The following SGSH variants were observed in gnomAD, a reference collection of about 807,000 sequenced individuals.
SGSH encodes N-sulfoglucosamine sulfohydrolase, also known as heparan sulfate sulfatase.
Under a neutral mutation model 51.0 loss-of-function variants are expected in SGSH, and 48 were observed. The ratio of observed to expected loss-of-function variants is 0.94; its 90% CI spans 0.75 to 1.20. The LOEUF is 1.20. SGSH is among the 50% of genes most tolerant of loss of function. The pLI is 0.00. For synonymous variants in SGSH, 321 were observed against 313.4 expected (o/e 1.02, Z -0.26); for missense variants, 662 against 717.8 (o/e 0.92, Z 0.89).
intron 7 of SGSH, 85 bp from the exon 8 acceptor site, chr17:80,211,096 G>T: frequency 1.9e-6 from 3 of 1,561,876 alleles, no homozygotes; most frequent in Non-Finnish European, 2.6e-6. Context: ...CGCCACTCTG[G>T]GCGGCTCCCT....
chr17:80,206,780 AT>A (rs552804815), downstream of SGSH: 201 of 411,306 alleles, frequency 4.9e-4, 1 homozygote, highest in East Asian at 7.5e-3. Flanking sequence ...AAAATAAAAA[AT>A]AAAAATAAAA....
intron 1 of SGSH, among the ~76,000 whole-genome samples, chr17:80,217,464 C>T (rs1285894179): frequency 1.3e-5 from 2 of 152,154 alleles, no homozygotes; most frequent in Admixed American, 6.5e-5. Flanking sequence ...AGCAGGCAGG[C>T]ATGTATCCAG....
In SGSH at chr17:80,210,466, G is replaced by A. The variant is rs1334987595; in HGVS notation, c.1495C>T (p.His499Tyr). The A allele has an allele frequency of 6.3e-7, 1 of 1,596,646 alleles. No individual in the cohort carries two copies. The highest frequency in any genetic ancestry group is 2.2e-5 in the East Asian group (1 of 44,708). ...EKLSPQCQPL[H>Y]NEL The stretch of plus-strand genomic sequence containing the variant: ...TCCTGGGATGGTCACAGCTCATTGT[G>A]GAGGGGCTGGCACTGGGGAGAGAGC... The change falls in exon 8 of 8, where the codon CAC becomes TAC. Residue 499 changes from histidine (H) to tyrosine (Y), a missense_variant. Transcript: ENST00000326317.
Position 80,212,145 on chromosome 17 carries a change from T to G in SGSH, c.875A>C (p.Glu292Ala). Residue 292 changes from glutamate (E) to alanine (A), a missense_variant, in exon 7 of 8, where the codon GAA (glutamate) becomes GCA (alanine). Transcript: ENST00000326317. This position sits in a 1 kb window ranked among gnomAD's most constrained non-coding sequence, Gnocchi z 5.9. ...CTCCGGGGATGACACCAGTAAGGGT[T>G]CAGCAGTGCCCGGCCAGTACAGGTT... ...RTNLYWPGTA[E>A]PLLVSSPEHP... The G allele has an allele frequency of 6.2e-7, 1 of 1,613,550 alleles. No homozygotes were observed.
chr17:80,205,716 G>C (rs1403717001), downstream of SGSH: 7 of 1,467,174 alleles, frequency 4.8e-6, no homozygotes, highest in Non-Finnish European at 6.3e-6. Context: ...ATGCAGAGGA[G>C]GGGGATGAGA....
chr17:80,204,814 C>T (rs2041192334), downstream of SGSH: 3 of 508,332 alleles, frequency 5.9e-6, no homozygotes, highest in Admixed American at 3.6e-5. Context: ...AAAGCAGTCC[C>T]TGGAGAGCCA....
rs151243903 is a variant in SGSH, at chr17:80,210,997, T to C, written c.964A>G (p.Ile322Val). The C allele has an allele frequency of 1.5e-5, 24 of 1,598,460 alleles. No individual in the cohort carries two copies. The African/African-American group carries it at 2.7e-4, about 18-fold the overall frequency. ...TACGGGATCGAGAACCAATCCAAGATGGTGGGCGTGAGGTCTGGAAGGGAC... is the reference window on the plus strand; with the variant it reads ...TACGGGATCGAGAACCAATCCAAGACGGTGGGCGTGAGGTCTGGAAGGGAC... The part of the protein sequence containing the change: ...YVSLLDLTPT[I>V]LDWFSIPYPS... Residue 322 changes from isoleucine (I) to valine (V), a missense_variant, in exon 8 of 8, where the codon ATC becomes GTC. Physicochemically the swap from Ile to Val is conservative, Grantham distance 29. Coordinates refer to ENST00000326317, the MANE Select transcript of SGSH (RefSeq NM_000199.5).
At chr17:80,218,666 G>A (rs1251172245) in intron 1 of SGSH, among the ~76,000 whole-genome samples, 1 of 152,234 alleles carries the variant, frequency 6.6e-6, no homozygotes, top group Non-Finnish European at 1.5e-5. Context: ...CGCAGGCCAG[G>A]AAGAAAGCTG....
Position 80,210,263 on chromosome 17 carries a change from C to T in SGSH, c.*189G>A. The T allele has an allele frequency of 2.1e-6, 3 of 1,429,542 alleles. No homozygotes were observed. Among genetic ancestry groups the T allele is most frequent in the Admixed American group, 2.9e-5 (1 of 35,016 alleles). 88.6% of individuals were successfully genotyped at this position (1,429,542 alleles called of 1,614,324 possible). On this transcript the variant is annotated 3_prime_UTR_variant, in exon 8 of 8. Transcript: ENST00000326317. Reference sequence around the variant, plus strand: ...GTGGTGGAGGGGCTGGGCACATGCTCTGGTCACATGCTCTGGTCCCCCTCC... The same window carrying T: ...GTGGTGGAGGGGCTGGGCACATGCTTTGGTCACATGCTCTGGTCCCCCTCC...
chr17:80,214,265 G>T lies in SGSH; in HGVS notation c.570C>A (p.Tyr190Ter). 3 of 1,613,280 alleles carry T rather than the reference G, an allele frequency of 1.9e-6. No individual in the cohort carries two copies. The highest frequency in any genetic ancestry group is 2.5e-6 in the Non-Finnish European group (3 of 1,180,012). Reference protein sequence around the residue: ...PHRCGHSQPQYGTFCEKFGNG... With the variant: ...PHRCGHSQPQ ...TGCCAAACTTCTCACAGAAGGTTCC[G>T]TACTGGGGCTGGGAGTGCCCACAGC... Residue 190 changes from tyrosine (Y) to a stop codon, truncating the protein, a stop_gained, in exon 5 of 8, where the codon TAC (tyrosine) becomes TAA (stop). Transcript: ENST00000326317. LOFTEE classifies it high-confidence loss of function.
At position 80,212,747 on chromosome 17, in the gene SGSH, CCT is replaced by C; in HGVS notation, c.746-475_746-474del. Reference sequence around the variant, plus strand: ...AATAGGGAAATGGCAAAGGTCCTGACCTCCTGTCGTCCCTGACCCCAAAAGAC... The same window carrying C: ...AATAGGGAAATGGCAAAGGTCCTGACCCTGTCGTCCCTGACCCCAAAAGAC... On this transcript the variant is annotated intron_variant, in intron 6 of 7. Coordinates refer to ENST00000326317, the MANE Select transcript of SGSH (RefSeq NM_000199.5). The surrounding 1 kb of genome is among the most constrained non-coding windows in gnomAD (Gnocchi z 5.9). 1.6e-5 allele frequency: 4 copies of C among 257,212 alleles called. No homozygotes were observed. Among genetic ancestry groups the C allele is most frequent in the South Asian group, 4.4e-5 (1 of 22,748 alleles). The allele number at this position is 257,212 out of a possible 1,614,324, so 15.9% of individuals were successfully genotyped here. A position where few individuals can be genotyped will look rare whatever the true frequency, so the allele number is the denominator to read the frequency against.
downstream of SGSH, chr17:80,202,806 C>A: frequency 4.0e-6 from 1 of 250,134 alleles, no homozygotes; most frequent in Non-Finnish European, 7.7e-6. Flanking sequence ...CTGTGACAAC[C>A]AGAAATGTCT....
chr17:80,208,596 A>C, downstream of SGSH: 1 of 428,164 alleles, frequency 2.3e-6, no homozygotes, highest in East Asian at 3.6e-5. Context: ...CTGAACTGGA[A>C]ACCCTGAGAA....
rs1208814754 is a variant in SGSH, at chr17:80,209,546, G to A, written c.*906C>T. The A allele has an allele frequency of 2.6e-5, 26 of 985,226 alleles. No homozygotes were observed. Among genetic ancestry groups the A allele is most frequent in the Non-Finnish European group, 3.0e-5 (25 of 830,042 alleles). The allele number at this position is 985,226 out of a possible 1,614,324, so 61.0% of individuals were successfully genotyped here. A position where few individuals can be genotyped will look rare whatever the true frequency, so the allele number is the denominator to read the frequency against. ...CGACGTCATCCAAGAATTAACCCAA[G>A]CCAGAGGACGGGCATCGCCACCCAG... is the stretch of plus-strand genomic sequence containing the variant. On this transcript the variant is annotated 3_prime_UTR_variant, in exon 8 of 8. Coordinates refer to ENST00000326317, the MANE Select transcript of SGSH (RefSeq NM_000199.5).
At chr17:80,214,906 T>G (rs1169105596) in intron 3 of SGSH, 127 bp downstream of exon 3, 3 of 1,307,110 alleles carry the variant, frequency 2.3e-6, no homozygotes, top group Non-Finnish European at 3.2e-6. Flanking sequence ...CCCAGATCCT[T>G]TGGGACAAGA....
chr17:80,208,114 C>G (rs533183128), downstream of SGSH: 46 of 1,490,714 alleles, frequency 3.1e-5, no homozygotes, highest in South Asian at 4.9e-4. Context: ...CTGAGCCCGC[C>G]CCCCCCAACT....
chr17:80,213,614 G>A lies in SGSH; in HGVS notation c.745+190C>T. The A allele has an allele frequency of 1.6e-6, 1 of 618,066 alleles. No homozygotes were observed. 38.3% of individuals were successfully genotyped at this position (618,066 alleles called of 1,614,324 possible). ...AGCCCAGGAGCAGGTCCACATCAGGGCAGCCCCGGGGTTGGGTCCTGATGC... is the reference window on the plus strand; with the variant it reads ...AGCCCAGGAGCAGGTCCACATCAGGACAGCCCCGGGGTTGGGTCCTGATGC... On this transcript the variant is annotated intron_variant, in intron 6 of 7. Transcript: ENST00000326317. This position sits in a 1 kb window ranked among gnomAD's most constrained non-coding sequence, Gnocchi z 4.6.
downstream of SGSH, chr17:80,204,073 T>C: frequency 1.2e-6 from 1 of 845,308 alleles, no homozygotes; most frequent in Non-Finnish European, 1.8e-6. Flanking sequence ...TGCAGGCTCT[T>C]GCACAAGTGC....
At chr17:80,207,152 C>A, downstream of SGSH, 1 of 1,156,808 alleles carries the variant, frequency 8.6e-7, no homozygotes, top group Non-Finnish European at 1.3e-6. Context: ...AAGCCCACGG[C>A]AGGTGCCTCT....
Sources: allele counts gnomAD v4.1 joint callset (sites outside exome capture counted in the v4.1 genomes callset), GRCh38; gene constraint gnomAD v4.1.1; non-coding constraint Gnocchi (gnomAD v3.1); transcripts MANE v1.5; gene names NCBI Gene and HGNC (gene_info 2026-07-23, HGNC 2026-07-21).